The following N4BP2 variants were observed in gnomAD, a reference collection of about 807,000 sequenced individuals.
N4BP2 encodes NEDD4 binding protein 2.
N4BP2 carries 91 observed loss-of-function variants against 152.8 expected under a neutral mutation model. That is an observed-to-expected ratio of 0.60 (90% CI 0.50 to 0.71). The LOEUF (loss-of-function observed/expected upper bound fraction) is 0.71. Among genes scored for constraint, N4BP2 ranks in the 30% least tolerant of loss-of-function variants. The pLI, the probability that N4BP2 is intolerant of heterozygous loss-of-function variation, is 0.00. For missense variants in N4BP2, 1,923 were observed against 2,059.1 expected (o/e 0.93, Z 1.28); for synonymous variants, 646 against 705.3 (o/e 0.92, Z 1.33).
chr4:40,125,760 G>A (rs558486468), intron 11 of N4BP2, among the ~76,000 whole-genome samples: 349 of 152,024 alleles, frequency 2.3e-3, no homozygotes, highest in Non-Finnish European at 3.7e-3. Context: ...GGTGGCGGGC[G>A]CCTGTAATCC....
chr4:40,092,284 AT>A (rs766052742), intron 2 of N4BP2, among the ~76,000 whole-genome samples: 52 of 146,658 alleles, frequency 3.5e-4, no homozygotes, highest in Non-Finnish European at 5.0e-4. Flanking sequence ...GGCCCTGGAA[AT>A]TTTTTTTTTT....
the N4BP2 span, among the ~76,000 whole-genome samples, chr4:40,177,746 G>C: frequency 6.6e-6 from 1 of 152,150 alleles, no homozygotes; most frequent in Non-Finnish European, 1.5e-5. Context: ...CTCATTTGTA[G>C]AGTGTAAGGC....
intron 1 of N4BP2, among the ~76,000 whole-genome samples, chr4:40,071,861 C>T (rs1319419545): frequency 1.3e-5 from 2 of 151,980 alleles, no homozygotes; most frequent in Admixed American, 6.6e-5. Context: ...CCACTGCCCC[C>T]GGCCTCAAAT....
rs1185990670 is a variant in N4BP2 at position 40,144,662 on chromosome 4, G to T, written c.5005G>T (p.Ala1669Ser). The T allele has an allele frequency of 1.9e-6, 3 of 1,613,110 alleles. No homozygotes were observed. Among genetic ancestry groups the T allele is most frequent in the Admixed American group, 1.7e-5 (1 of 59,772 alleles). ...TCTTCATGAGCAGAAGATGAAAGAA[G>T]CCAATCACCTTGCTGCCATAGAGAT... ...GTLHEQKMKE[A>S]NHLAAIEIFE... The change falls in exon 16 of 18, where the codon GCC becomes TCC. Residue 1669 changes from alanine (A) to serine (S), a missense_variant. Coordinates refer to ENST00000261435, the MANE Select transcript of N4BP2 (RefSeq NM_018177.6).
In N4BP2 at chr4:40,131,336, T is replaced by G. The variant is rs1044286045; in HGVS notation, c.4528-465T>G. Among the ~76,000 whole-genome samples, 9 of 152,336 alleles carry G rather than the reference T, an allele frequency of 5.9e-5. No individual in the cohort carries two copies. In the South Asian group the frequency reaches 1.9e-3, roughly 32 times the overall value. On this transcript the variant is annotated intron_variant, in intron 12 of 17. Coordinates refer to ENST00000261435, the MANE Select transcript of N4BP2 (RefSeq NM_018177.6). ...AAATTTGTGGCCTACTTGTAGCAAT[T>G]GTACAGGATTTTGTGGCATGCATTT...
At chr4:40,138,119 A>C (rs2110024845) in intron 14 of N4BP2, among the ~76,000 whole-genome samples, 1 of 152,310 alleles carries the variant, frequency 6.6e-6, no homozygotes, top group East Asian at 1.9e-4. Flanking sequence ...GAATACAGAA[A>C]ATAAAAGACA....
chr4:40,125,339 A>G (rs571891311), intron 11 of N4BP2, among the ~76,000 whole-genome samples: 3 of 152,300 alleles, frequency 2.0e-5, no homozygotes, highest in African/African-American at 7.2e-5. Context: ...AACTTCCTAG[A>G]ATGTTCAGTT....
chr4:40,123,007 C>A, intron 9 of N4BP2, 120 bp from the exon 10 acceptor site: 1 of 577,992 alleles, frequency 1.7e-6, no homozygotes, highest in South Asian at 2.5e-5. Context: ...TAAATAGAAG[C>A]ATAAGTTAGG....
In N4BP2 at chr4:40,085,798, T is replaced by C. The variant is rs186819577; in HGVS notation, c.-114-11429T>C. 7.2e-5 allele frequency among the ~76,000 whole-genome samples: 11 copies of C among 152,254 alleles called. No individual in the cohort carries two copies. In the East Asian group the frequency reaches 2.1e-3, roughly 29 times the overall value. On this transcript the variant is annotated intron_variant, in intron 2 of 17. Coordinates refer to ENST00000261435, the MANE Select transcript of N4BP2 (RefSeq NM_018177.6). ...TGATCAGCTGTTTAAGTGCTGTTGA[T>C]AGGTCTAGAAAGACAAGAACTGAGA...
intron 14 of N4BP2, among the ~76,000 whole-genome samples, chr4:40,139,972 G>A (rs1719767183): frequency 6.7e-6 from 1 of 150,280 alleles, no homozygotes; most frequent in African/African-American, 2.5e-5. Flanking sequence ...GCTAATTTTT[G>A]TATTTTTTGT....
rs1014878978 is a variant in N4BP2, at chr4:40,080,832, T to TA, written c.-115+7281_-115+7282insA. ...GCCACCACGCCTGGCTAATTTTTTT[T>TA]TTTTTTTGTATTATTAGTAGAGATG... On this transcript the variant is annotated intron_variant, in intron 2 of 17. Transcript: ENST00000261435. Among the ~76,000 whole-genome samples, 3 of 149,340 alleles carry TA rather than the reference T, an allele frequency of 2.0e-5. No individual in the cohort carries two copies. In the Admixed American group the frequency reaches 2.0e-4, roughly 10 times the overall value.
At position 40,155,639 on chromosome 4, in the gene N4BP2, C is replaced by T. The variant is rs1721543717; in HGVS notation, c.*1402C>T. The T allele has an allele frequency of 6.6e-6, 1 of 151,884 alleles. No individual in the cohort carries two copies. Among genetic ancestry groups the T allele is most frequent in the Non-Finnish European group, 1.5e-5 (1 of 67,984 alleles). 9.4% of individuals were successfully genotyped at this position (151,884 alleles called of 1,614,324 possible). A position where few individuals can be genotyped will look rare whatever the true frequency, so the allele number is the denominator to read the frequency against. On this transcript the variant is annotated 3_prime_UTR_variant, in exon 18 of 18. Coordinates refer to ENST00000261435, the MANE Select transcript of N4BP2 (RefSeq NM_018177.6). ...AATATGAGACAATGGCTTAAATTTG[C>T]CTTTGGAGATGGAGAATATTTTCAA...
chr4:40,185,768 T>G, the N4BP2 span, among the ~76,000 whole-genome samples: 3 of 152,176 alleles, frequency 2.0e-5, no homozygotes, highest in Admixed American at 6.5e-5. Flanking sequence ...ATTACAAAAC[T>G]ACTTCCTTTT....
Position 40,123,129 on chromosome 4 carries a change from T to C in N4BP2, c.4201T>C (p.Ser1401Pro). 1 of 1,599,984 alleles carries C rather than the reference T, an allele frequency of 6.3e-7. No homozygotes were observed. Among genetic ancestry groups the C allele is most frequent in the Non-Finnish European group, 8.5e-7 (1 of 1,170,056 alleles). Residue 1401 changes from serine to proline, a missense_variant and splice_region_variant, in exon 10 of 18, where the codon TCT becomes CCT. Physicochemically the swap from Ser to Pro is moderately conservative, Grantham distance 74. Coordinates refer to ENST00000261435, the MANE Select transcript of N4BP2 (RefSeq NM_018177.6). ...TTCCCTCCCCCTTCCCCCACAAGGGTCTCTAACAGTTGAAGATTGTGTGGT... is the reference window on the plus strand; with the variant it reads ...TTCCCTCCCCCTTCCCCCACAAGGGCCTCTAACAGTTGAAGATTGTGTGGT... The part of the protein sequence containing the change: ...LFGPVGIDSG[S>P]LTVEDCVVHI...
chr4:40,169,963 CAAAAA>C, the N4BP2 span, among the ~76,000 whole-genome samples: 1 of 45,858 alleles, frequency 2.2e-5, no homozygotes, highest in South Asian at 8.0e-4. Flanking sequence ...GACTCAATCT[CAAAAA>C]AAAAAAAAAA....
chr4:40,084,192 C>T (rs1713690097), intron 2 of N4BP2, among the ~76,000 whole-genome samples: 1 of 152,206 alleles, frequency 6.6e-6, no homozygotes, highest in African/African-American at 2.4e-5. Context: ...CTCAGGTAAT[C>T]CACCTGCCTT....
chr4:40,180,222 G>C, the N4BP2 span, among the ~76,000 whole-genome samples: 1 of 151,936 alleles, frequency 6.6e-6, no homozygotes, highest in African/African-American at 2.4e-5. Context: ...TTTCTAAACT[G>C]ATATAACAAT....
chr4:40,091,981 CAAAAA>C (rs1189250112), intron 2 of N4BP2, among the ~76,000 whole-genome samples: 6 of 20,034 alleles, frequency 3.0e-4, no homozygotes, highest in African/African-American at 3.8e-4. Context: ...GACCTTGTGT[CAAAAA>C]AAAAAAAAAA....
intron 2 of N4BP2, among the ~76,000 whole-genome samples, chr4:40,074,292 AT>A (rs1226585983): frequency 6.6e-6 from 1 of 151,812 alleles, no homozygotes; most frequent in African/African-American, 2.4e-5. Context: ...GGTTTCACAT[AT>A]TGGTCAGGCT....
Sources: gnomAD v4.1 joint callset for allele counts (sites outside exome capture counted in the v4.1 genomes callset) on GRCh38, gnomAD v4.1.1 for gene constraint, MANE v1.5 for transcripts, NCBI Gene and HGNC (gene_info 2026-07-23, HGNC 2026-07-21) for gene names.